The following NUDT3 variants were observed in gnomAD, a reference collection of about 807,000 sequenced individuals.
The protein encoded by NUDT3 is diphosphoinositol polyphosphate phosphohydrolase 1.
Under a neutral mutation model 23.6 loss-of-function variants are expected in NUDT3, and 9 were observed. The ratio of observed to expected loss-of-function variants is 0.38; its 90% CI spans 0.23 to 0.66. The LOEUF (loss-of-function observed/expected upper bound fraction) is 0.66. Among genes scored for constraint, NUDT3 ranks in the 30% least tolerant of loss-of-function variants. The probability of loss-of-function intolerance (pLI) is 0.52; values close to 1 mark genes in which losing one functional copy is unlikely to be tolerated. For missense variants in NUDT3, 172 were observed against 218.5 expected, an observed-to-expected ratio of 0.79 and a Z score of 1.34; for synonymous variants, 86 against 82.6, an observed-to-expected ratio of 1.04 and a Z score of -0.22.
chr6:34,387,826 A>C lies in NUDT3; in HGVS notation c.99+4438T>G, dbSNP rs943727876. 4.6e-5 allele frequency among the ~76,000 whole-genome samples: 7 copies of C among 152,316 alleles called. No individual in the cohort carries two copies. The South Asian group carries it at 1.4e-3, about 32-fold the overall frequency. On this transcript the variant is annotated intron_variant, in intron 1 of 4. Transcript: ENST00000607016. ...AAAGTTTATAAAGTAAAAAAATTACAGTAAGCTAAGGTTAATTTATTATCG... is the reference window on the plus strand; with the variant it reads ...AAAGTTTATAAAGTAAAAAAATTACCGTAAGCTAAGGTTAATTTATTATCG...
chr6:34,299,820 T>C (rs959567994), intron 2 of NUDT3, among the ~76,000 whole-genome samples: 6 of 151,556 alleles, frequency 4.0e-5, no homozygotes, highest in African/African-American at 7.3e-5. Context: ...GGAGAATCAC[T>C]TGAACCCAGG....
intron 1 of NUDT3, among the ~76,000 whole-genome samples, chr6:34,357,156 T>C (rs1333128582): frequency 6.6e-6 from 1 of 152,108 alleles, no homozygotes; most frequent in East Asian, 1.9e-4. Context: ...CATACAGTGT[T>C]TGAGATTTGA....
intron 1 of NUDT3, among the ~76,000 whole-genome samples, chr6:34,365,868 C>T (rs13211930): frequency 1.9e-3 from 292 of 152,166 alleles, no homozygotes; most frequent in Middle Eastern, 6.8e-3. Flanking sequence ...ATGGTGAAAG[C>T]TCGTCTCTAC....
intron 2 of NUDT3, among the ~76,000 whole-genome samples, chr6:34,341,003 G>C (rs1356260342): frequency 6.6e-6 from 1 of 152,164 alleles, no homozygotes; most frequent in East Asian, 1.9e-4. Context: ...TGTTGTAAGT[G>C]CTTTTTTATA....
At chr6:34,300,059 A>G (rs1033933251) in intron 2 of NUDT3, among the ~76,000 whole-genome samples, 1 of 151,954 alleles carries the variant, frequency 6.6e-6, no homozygotes, top group African/African-American at 2.4e-5. Context: ...TGCTTTTTTA[A>G]GAGAAAAAAA....
chr6:34,323,042 T>TAA (rs573991011), intron 2 of NUDT3, among the ~76,000 whole-genome samples: 260 of 152,248 alleles, frequency 1.7e-3, no homozygotes, highest in African/African-American at 6.0e-3. Context: ...GAGTGGGAGT[T>TAA]AAACACTGGG....
chr6:34,295,785 G>A (rs1012924979), intron 2 of NUDT3, 100 bp from the exon 3 acceptor site: 2 of 1,475,930 alleles, frequency 1.4e-6, no homozygotes, highest in East Asian at 2.3e-5. Context: ...CAAAAAACAA[G>A]AGGACACAGC....
At chr6:34,309,249 G>C (rs189359868) in intron 2 of NUDT3, among the ~76,000 whole-genome samples, 2 of 151,978 alleles carry the variant, frequency 1.3e-5, no homozygotes, top group Non-Finnish European at 2.9e-5. Flanking sequence ...GTCAATAACT[G>C]AAAGATTGCT....
intron 2 of NUDT3, among the ~76,000 whole-genome samples, chr6:34,331,673 C>T (rs754267096): frequency 1.3e-5 from 2 of 152,162 alleles, no homozygotes; most frequent in African/African-American, 4.8e-5. Context: ...GTCGGCCCTC[C>T]GTATTTGTGC....
Position 34,283,839 on chromosome 6 carries a change from T to A in NUDT3, c.*4914A>T, listed in dbSNP as rs1172302908. 3 of 152,214 alleles carry A rather than the reference T, an allele frequency of 2.0e-5. No individual in the cohort carries two copies. The highest frequency in any genetic ancestry group is 2.9e-5 in the Non-Finnish European group (2 of 68,042). 9.4% of individuals were successfully genotyped at this position (152,214 alleles called of 1,614,324 possible). ...CAATGTTCCCCAATTTACTTTTTTT[T>A]TATACCTTAAAATATCAAATGTTTC... On this transcript the variant is annotated 3_prime_UTR_variant, in exon 5 of 5. Coordinates refer to ENST00000607016, the MANE Select transcript of NUDT3 (RefSeq NM_006703.4).
At chr6:34,369,021 T>C (rs1014194884) in intron 1 of NUDT3, among the ~76,000 whole-genome samples, 4 of 152,248 alleles carry the variant, frequency 2.6e-5, no homozygotes, top group Non-Finnish European at 4.4e-5. Flanking sequence ...TCAACTCCCT[T>C]AGCAGCCTAG....
chr6:34,305,755 TATG>T lies in NUDT3; in HGVS notation c.211-10073_211-10071del, dbSNP rs1434720782. Among the ~76,000 whole-genome samples the T allele has an allele frequency of 3.9e-5, 6 of 152,368 alleles. No homozygotes were observed. The East Asian group carries it at 1.2e-3, about 29-fold the overall frequency. ...CTCTTCTGCTCTATTTGCTTATTTC[TATG>T]ATGATTTGTGCTTTAACTCATGGAT... On this transcript the variant is annotated intron_variant, in intron 2 of 4. Transcript: ENST00000607016.
At chr6:34,386,284 T>C (rs1765105622) in intron 1 of NUDT3, among the ~76,000 whole-genome samples, 1 of 152,226 alleles carries the variant, frequency 6.6e-6, no homozygotes, top group East Asian at 1.9e-4. Context: ...AACATACCAA[T>C]AACAATCAGT....
intron 2 of NUDT3, among the ~76,000 whole-genome samples, chr6:34,301,348 C>G (rs1408728057): frequency 6.6e-6 from 1 of 152,240 alleles, no homozygotes; most frequent in Non-Finnish European, 1.5e-5. Context: ...GACATTAATT[C>G]TGCAGCTCTT....
chr6:34,322,336 T>C (rs1187442673), intron 2 of NUDT3, among the ~76,000 whole-genome samples: 1 of 151,660 alleles, frequency 6.6e-6, no homozygotes, highest in Non-Finnish European at 1.5e-5. Flanking sequence ...GTTCACGCCA[T>C]TCTCCTGCCT....
intron 1 of NUDT3, among the ~76,000 whole-genome samples, chr6:34,380,797 T>C (rs1014480762): frequency 6.6e-6 from 1 of 152,164 alleles, no homozygotes; most frequent in Non-Finnish European, 1.5e-5. Flanking sequence ...AATACGTTAA[T>C]ACAAACAGGC....
chr6:34,281,373 C>T lies in NUDT3; in HGVS notation c.*7380G>A, dbSNP rs1763276339. The stretch of plus-strand genomic sequence containing the variant: ...CTTCCACTTCCTCTCTCTGATACAC[C>T]TAAGAAGGTGAGAGACACTAGCTTC... On this transcript the variant is annotated 3_prime_UTR_variant, in exon 5 of 5. Coordinates refer to ENST00000607016, the MANE Select transcript of NUDT3 (RefSeq NM_006703.4). 6.6e-6 allele frequency: 1 copy of T among 152,166 alleles called. No homozygotes were observed. 9.4% of individuals were successfully genotyped at this position (152,166 alleles called of 1,614,324 possible).
At chr6:34,335,260 T>C (rs1218999693) in intron 2 of NUDT3, among the ~76,000 whole-genome samples, 8 of 152,184 alleles carry the variant, frequency 5.3e-5, no homozygotes, top group African/African-American at 1.9e-4. Flanking sequence ...TATGGAGTTT[T>C]GATGAAGCAA....
intron 2 of NUDT3, among the ~76,000 whole-genome samples, chr6:34,318,511 TC>T (rs1392403196): frequency 6.6e-6 from 1 of 152,156 alleles, no homozygotes; most frequent in Non-Finnish European, 1.5e-5. Flanking sequence ...ACTAACCTTA[TC>T]TTCAACAAAC....
Sources: allele counts gnomAD v4.1 joint callset (sites outside exome capture counted in the v4.1 genomes callset), GRCh38; gene constraint gnomAD v4.1.1; transcripts MANE v1.5; gene names NCBI Gene and HGNC (gene_info 2026-07-23, HGNC 2026-07-21).